Variants in ITCH observed in about 807,000 individuals in gnomAD.
The protein encoded by ITCH is E3 ubiquitin-protein ligase Itchy homolog.
Under a neutral mutation model 126.8 loss-of-function variants are expected in ITCH, and 28 were observed. The ratio of observed to expected loss-of-function variants is 0.22; its 90% CI spans 0.16 to 0.30. The LOEUF is 0.30. Among genes scored for constraint, ITCH ranks in the 10% least tolerant of loss-of-function variants. ITCH has a pLI of 1.00. For synonymous variants in ITCH, 342 were observed against 340.0 expected, an observed-to-expected ratio of 1.01 and a Z score of -0.06; for missense variants, 631 against 1,032.4, an observed-to-expected ratio of 0.61 and a Z score of 5.33.
At chr20:34,370,125 C>T (rs1390666393) in intron 2 of ITCH, among the ~76,000 whole-genome samples, 2 of 145,758 alleles carry the variant, frequency 1.4e-5, no homozygotes, top group Non-Finnish European at 3.0e-5. Flanking sequence ...AAAAAAAAGA[C>T]AACATGGTTC....
intron 2 of ITCH, among the ~76,000 whole-genome samples, chr20:34,378,791 G>A (rs926040038): frequency 1.3e-5 from 2 of 152,156 alleles, no homozygotes; most frequent in Non-Finnish European, 2.9e-5. Context: ...TAATGTGAGA[G>A]AGAGATTAAC....
At chr20:34,402,183 G>A (rs1485554316) in intron 3 of ITCH, 2 of 1,396,180 alleles carry the variant, frequency 1.4e-6, no homozygotes, top group Non-Finnish European at 2.0e-6. Flanking sequence ...CTTCGGTTCT[G>A]GAGGTTCCAG....
At chr20:34,393,982 A>T (rs2038578777) in intron 3 of ITCH, 101 bp downstream of exon 3, 14 of 1,145,496 alleles carry the variant, frequency 1.2e-5, no homozygotes, top group Non-Finnish European at 1.9e-5. Context: ...CTGTAATCCC[A>T]GCACTTTGGG....
chr20:34,498,809 C>T (rs1385697319), intron 23 of ITCH, among the ~76,000 whole-genome samples: 2 of 150,572 alleles, frequency 1.3e-5, no homozygotes, highest in Non-Finnish European at 3.0e-5. Flanking sequence ...TTTCTTGTAT[C>T]CTTGTCTAGT....
intron 19 of ITCH, 116 bp downstream of exon 19, chr20:34,480,848 T>C: frequency 9.9e-7 from 1 of 1,010,126 alleles, no homozygotes; most frequent in Non-Finnish European, 1.5e-6. Flanking sequence ...AAATGATCTA[T>C]ATATCAAACC....
chr20:34,428,662 C>T (rs541483121), intron 7 of ITCH, among the ~76,000 whole-genome samples: 2 of 152,268 alleles, frequency 1.3e-5, no homozygotes, highest in African/African-American at 2.4e-5. Flanking sequence ...AAGCATTTGC[C>T]CTATCTCGGC....
At chr20:34,446,608 C>T (rs1395035258) in intron 11 of ITCH, among the ~76,000 whole-genome samples, 7 of 152,156 alleles carry the variant, frequency 4.6e-5, no homozygotes, top group African/African-American at 1.7e-4. Context: ...AATTTTGTCT[C>T]TTGTGTACTT....
chr20:34,490,959 C>G (rs1989466011), intron 22 of ITCH, among the ~76,000 whole-genome samples: 1 of 152,132 alleles, frequency 6.6e-6, no homozygotes, highest in East Asian at 1.9e-4. Context: ...GAGTTTTATC[C>G]TTTATATCCA....
chr20:34,445,264 T>TA (rs1568949163), intron 10 of ITCH, 23 bp from the exon 11 acceptor site: 2 of 1,585,336 alleles, frequency 1.3e-6, no homozygotes, highest in Admixed American at 3.5e-5. Context: ...TAGCTTGTTT[T>TA]TTTTTTTTTT....
intron 7 of ITCH, among the ~76,000 whole-genome samples, chr20:34,435,282 G>C (rs1489750614): frequency 6.6e-6 from 1 of 151,706 alleles, no homozygotes; most frequent in Non-Finnish European, 1.5e-5. Flanking sequence ...GATCCTCCCA[G>C]CTCAGCCTCC....
intron 7 of ITCH, among the ~76,000 whole-genome samples, chr20:34,434,553 A>T (rs563941286): frequency 1.3e-5 from 2 of 152,338 alleles, no homozygotes; most frequent in East Asian, 3.9e-4. Flanking sequence ...CCAGGACATG[A>T]TAGGCAAATC....
At chr20:34,408,899 C>G in intron 4 of ITCH, 107 bp downstream of exon 4, 1 of 1,123,040 alleles carries the variant, frequency 8.9e-7, no homozygotes. Context: ...GTTGTTCCTC[C>G]TTTCTCTCTT....
intron 2 of ITCH, among the ~76,000 whole-genome samples, chr20:34,387,249 G>A (rs1301660034): frequency 2.6e-5 from 4 of 151,878 alleles, no homozygotes; most frequent in Non-Finnish European, 4.4e-5. Context: ...GTTGCAGCGA[G>A]GGGAGATTGC....
intron 23 of ITCH, among the ~76,000 whole-genome samples, chr20:34,497,813 G>T: frequency 6.6e-6 from 1 of 151,992 alleles, no homozygotes; most frequent in East Asian, 1.9e-4. Flanking sequence ...CCTGAACTCC[G>T]GTGATCCGCC....
intron 7 of ITCH, among the ~76,000 whole-genome samples, chr20:34,434,546 G>A (rs926505958): frequency 5.3e-5 from 8 of 152,202 alleles, no homozygotes; most frequent in Non-Finnish European, 1.0e-4. Flanking sequence ...CTGCCATCCA[G>A]GACATGATAG....
Position 34,434,880 on chromosome 20 carries a change from C to G in ITCH, c.522-3594C>G, listed in dbSNP as rs548056973. On this transcript the variant is annotated intron_variant, in intron 7 of 24. Transcript: ENST00000374864. The stretch of plus-strand genomic sequence containing the variant: ...GCTGTAGCCAATGTTGGCTTGGTCT[C>G]TTTGACATAATCCAGTTTTAGGTAT... 1.7e-4 allele frequency among the ~76,000 whole-genome samples: 26 copies of G among 152,234 alleles called. No homozygotes were observed. In the East Asian group the frequency reaches 5.0e-3, roughly 29 times the overall value.
intron 12 of ITCH, among the ~76,000 whole-genome samples, chr20:34,456,180 GTGTGTATA>G (rs1377781553): frequency 1.1e-4 from 5 of 44,144 alleles, no homozygotes; most frequent in South Asian, 2.3e-3. Flanking sequence ...GTGTGTGTGT[GTGTGTATA>G]TATATATATA....
intron 2 of ITCH, among the ~76,000 whole-genome samples, chr20:34,373,284 T>TC (rs1232506404): frequency 6.6e-6 from 1 of 151,770 alleles, no homozygotes; most frequent in East Asian, 1.9e-4. Context: ...AATGTATTTT[T>TC]TTTTTTTTTT....
chr20:34,426,752 A>G (rs960050735), intron 7 of ITCH, among the ~76,000 whole-genome samples: 2 of 150,102 alleles, frequency 1.3e-5, no homozygotes, highest in African/African-American at 4.9e-5. Flanking sequence ...TGCCTGGCCG[A>G]TAGATATATG....
Sources: gnomAD v4.1 joint callset for allele counts (sites outside exome capture counted in the v4.1 genomes callset) on GRCh38, gnomAD v4.1.1 for gene constraint, MANE v1.5 for transcripts, NCBI Gene and HGNC (gene_info 2026-07-23, HGNC 2026-07-21) for gene names.